Variants in SPNS2 observed in about 807,000 individuals in gnomAD.
SPNS2 encodes SPNS lysolipid transporter 2, sphingosine-1-phosphate.
In SPNS2, 37 loss-of-function variants were observed where a neutral mutation model predicts 57.6. The ratio of observed to expected loss-of-function variants is 0.64; its 90% CI spans 0.49 to 0.85. The LOEUF (loss-of-function observed/expected upper bound fraction) is 0.85. Among genes scored for constraint, SPNS2 ranks in the 40% least tolerant of loss-of-function variants. The pLI, the probability that SPNS2 is intolerant of heterozygous loss-of-function variation, is 0.00. For synonymous variants in SPNS2, 440 were observed against 346.9 expected (o/e 1.27, Z -2.98); for missense variants, 831 against 779.1 (o/e 1.07, Z -0.79).
At chr17:4,518,935 C>G (rs1263066513) in intron 2 of SPNS2, among the ~76,000 whole-genome samples, 2 of 152,244 alleles carry the variant, frequency 1.3e-5, no homozygotes, top group Admixed American at 6.5e-5. Context: ...AGGTTTACAT[C>G]CTGAGTAGGG....
chr17:4,521,270 C>T (rs1229487851), intron 2 of SPNS2, among the ~76,000 whole-genome samples: 2 of 152,234 alleles, frequency 1.3e-5, no homozygotes, highest in Admixed American at 1.3e-4. Flanking sequence ...ACAATTCCTC[C>T]TCCTCCCCCA....
At chr17:4,536,846 C>A in intron 11 of SPNS2, 54 bp from the exon 12 acceptor site, 1 of 1,491,250 alleles carries the variant, frequency 6.7e-7, no homozygotes, top group East Asian at 2.3e-5. Context: ...GAGCAGTGCC[C>A]GGGCCCGGCC....
At chr17:4,500,744 G>A (rs1342644062) in intron 1 of SPNS2, among the ~76,000 whole-genome samples, 2 of 152,110 alleles carry the variant, frequency 1.3e-5, no homozygotes, top group Admixed American at 6.5e-5. Context: ...TCTGTTGAAT[G>A]GAGTTTTGTG....
At chr17:4,508,169 C>A (rs571624956) in intron 1 of SPNS2, among the ~76,000 whole-genome samples, 1 of 152,244 alleles carries the variant, frequency 6.6e-6, no homozygotes, top group East Asian at 1.9e-4. Flanking sequence ...TCCTGGTAGA[C>A]GCGACTTTGG....
chr17:4,535,502 G>C (rs556595194), intron 9 of SPNS2, among the ~76,000 whole-genome samples: 1 of 152,222 alleles, frequency 6.6e-6, no homozygotes, highest in Non-Finnish European at 1.5e-5. Context: ...CGTGACCCAG[G>C]TCCAAGGGCA....
At position 4,516,325 on chromosome 17, in the gene SPNS2, A is replaced by C. The variant is rs1234525421; in HGVS notation, c.436+3013A>C. On this transcript the variant is annotated intron_variant, in intron 2 of 12. Coordinates refer to ENST00000329078, the MANE Select transcript of SPNS2 (RefSeq NM_001124758.3). ...TGAGACTCTATCTCCCCAAAAAAAA[A>C]AAAAAAAAAAAAAAAAAACAAAAAA... is the stretch of plus-strand genomic sequence containing the variant. Among the ~76,000 whole-genome samples, 15 of 113,272 alleles carry C rather than the reference A, an allele frequency of 1.3e-4. No homozygotes were observed. In the South Asian group the frequency reaches 2.2e-3, roughly 17 times the overall value. The allele number at this position is 113,272 out of a possible 152,430, so 74.3% of individuals were successfully genotyped here.
chr17:4,522,344 A>G (rs1339357209), intron 2 of SPNS2, among the ~76,000 whole-genome samples: 1 of 152,132 alleles, frequency 6.6e-6, no homozygotes, highest in East Asian at 1.9e-4. Context: ...GAAGGAGCGG[A>G]GGTGAATTTG....
chr17:4,535,809 G>A (rs530515369), intron 9 of SPNS2, among the ~76,000 whole-genome samples: 1 of 152,188 alleles, frequency 6.6e-6, no homozygotes, highest in South Asian at 2.1e-4. Context: ...GGAAGCCCCT[G>A]GGGTGAGGGT....
intron 8 of SPNS2, 145 bp downstream of exon 8, chr17:4,533,577 C>A: frequency 2.9e-6 from 3 of 1,048,534 alleles, no homozygotes; most frequent in Non-Finnish European, 4.1e-6. Context: ...TCATCCCCAG[C>A]CTGGCCACAC....
At chr17:4,516,839 A>G (rs1905008964) in intron 2 of SPNS2, among the ~76,000 whole-genome samples, 1 of 152,234 alleles carries the variant, frequency 6.6e-6, no homozygotes, top group South Asian at 2.1e-4. Flanking sequence ...CCGGAGTGGG[A>G]GCTAGAATTG....
intron 3 of SPNS2, among the ~76,000 whole-genome samples, chr17:4,529,830 C>T (rs1194927749): frequency 6.6e-6 from 1 of 152,034 alleles, no homozygotes; most frequent in African/African-American, 2.4e-5. Context: ...ATGAAGGGGT[C>T]AGAGATGGGC....
chr17:4,499,515 T>A lies in SPNS2; in HGVS notation c.370+98T>A. On this transcript the variant is annotated intron_variant, in intron 1 of 12. Transcript: ENST00000329078. This position sits in a 1 kb window ranked among gnomAD's most constrained non-coding sequence, Gnocchi z 5.2. ...CCCAGAGAGCTTTTGGTCTCAGGCCTGCTATCTCCAGGCCCTACGTGAGGT... is the reference window on the plus strand; with the variant it reads ...CCCAGAGAGCTTTTGGTCTCAGGCCAGCTATCTCCAGGCCCTACGTGAGGT... 1 of 756,400 alleles carries A rather than the reference T, an allele frequency of 1.3e-6. No homozygotes were observed. The highest frequency in any genetic ancestry group is 1.9e-6 in the Non-Finnish European group (1 of 527,210). The allele number at this position is 756,400 out of a possible 1,614,324, so 46.9% of individuals were successfully genotyped here.
intron 3 of SPNS2, among the ~76,000 whole-genome samples, chr17:4,530,133 C>T (rs1447484502): frequency 1.3e-5 from 2 of 151,608 alleles, no homozygotes; most frequent in East Asian, 2.0e-4. Context: ...GCTCTGGGTC[C>T]CCTGGGCTTC....
At chr17:4,523,282 A>G (rs140530641) in intron 2 of SPNS2, among the ~76,000 whole-genome samples, 3,742 of 151,954 alleles carry the variant, frequency 0.025, 122 homozygotes, top group African/African-American at 0.077. Flanking sequence ...TACTAACAAT[A>G]CAAAAATTAG....
At chr17:4,513,446 C>G in intron 2 of SPNS2, 134 bp downstream of exon 2, 1 of 895,500 alleles carries the variant, frequency 1.1e-6, no homozygotes, top group South Asian at 1.5e-5. Flanking sequence ...CTTTGCATCC[C>G]AGTCTCACTA....
At chr17:4,509,507 G>A (rs1474018036) in intron 1 of SPNS2, among the ~76,000 whole-genome samples, 2 of 152,268 alleles carry the variant, frequency 1.3e-5, no homozygotes, top group African/African-American at 4.8e-5. Flanking sequence ...GAGGGGACAA[G>A]TCAGAGCTGT....
At chr17:4,515,158 A>G (rs904438842) in intron 2 of SPNS2, among the ~76,000 whole-genome samples, 3 of 152,110 alleles carry the variant, frequency 2.0e-5, no homozygotes, top group Admixed American at 2.0e-4. Context: ...GTTCTGTCCC[A>G]GGCTGGCTTC....
At chr17:4,537,055 CCCA>C in intron 12 of SPNS2, 109 bp downstream of exon 12, 1 of 1,176,562 alleles carries the variant, frequency 8.5e-7, no homozygotes, top group South Asian at 1.3e-5. Flanking sequence ...CCCAGCACAT[CCCA>C]CCAACTCTGG....
At chr17:4,532,495 A>T (rs761453059) in intron 5 of SPNS2, 47 bp from the exon 6 acceptor site, 3 of 1,613,746 alleles carry the variant, frequency 1.9e-6, no homozygotes, top group South Asian at 2.2e-5. Flanking sequence ...TGCAGCAGGG[A>T]CGAGGCTCAC....
Sources: allele counts gnomAD v4.1 joint callset (sites outside exome capture counted in the v4.1 genomes callset), GRCh38; gene constraint gnomAD v4.1.1; non-coding constraint Gnocchi (gnomAD v3.1); transcripts MANE v1.5; gene names NCBI Gene and HGNC (gene_info 2026-07-23, HGNC 2026-07-21).